Variants in AGBL1 observed in about 807,000 individuals in gnomAD.
The protein encoded by AGBL1 is AGBL carboxypeptidase 1.
A neutral mutation model predicts 118.9 loss-of-function variants in AGBL1; 130 were observed. That is an observed-to-expected ratio of 1.09 (90% CI 0.95 to 1.26). The LOEUF (loss-of-function observed/expected upper bound fraction) is 1.26. Ranked by LOEUF, AGBL1 falls within the 50% of genes most tolerant of loss-of-function variation. The pLI is 0.00. For missense variants in AGBL1, 1,584 were observed against 1,298.1 expected (o/e 1.22, Z -3.38); for synonymous variants, 555 against 478.9 (o/e 1.16, Z -2.08).
intron 5 of AGBL1, among the ~76,000 whole-genome samples, chr15:86,210,752 G>A (rs1279964462): frequency 1.3e-5 from 2 of 152,058 alleles, no homozygotes; most frequent in African/African-American, 4.8e-5. Flanking sequence ...CCTTGAGATG[G>A]GTTCGAACAT....
intron 23 of AGBL1, among the ~76,000 whole-genome samples, chr15:86,987,223 G>T (rs2141733585): frequency 2.0e-5 from 3 of 152,306 alleles, no homozygotes; most frequent in Middle Eastern, 6.8e-3. Flanking sequence ...GGTCACAGGG[G>T]ATATGATGGC....
At chr15:86,579,128 A>G (rs548250105) in intron 21 of AGBL1, among the ~76,000 whole-genome samples, 1 of 152,322 alleles carries the variant, frequency 6.6e-6, no homozygotes, top group African/African-American at 2.4e-5. Flanking sequence ...AGTAGTCAGT[A>G]GTGTTCTTCA....
At chr15:86,758,801 G>A (rs2077979333) in intron 22 of AGBL1, among the ~76,000 whole-genome samples, 1 of 151,500 alleles carries the variant, frequency 6.6e-6, no homozygotes, top group African/African-American at 2.4e-5. Flanking sequence ...AAAAAACCCT[G>A]TCTCTACAAA....
chr15:86,325,179 A>G (rs1361022114), intron 17 of AGBL1, among the ~76,000 whole-genome samples: 1 of 152,244 alleles, frequency 6.6e-6, no homozygotes, highest in African/African-American at 2.4e-5. Context: ...CAAGGAAAAC[A>G]CGGAGTGATT....
At chr15:86,576,679 A>G (rs951853007) in intron 21 of AGBL1, among the ~76,000 whole-genome samples, 2 of 152,168 alleles carry the variant, frequency 1.3e-5, no homozygotes, top group Admixed American at 6.5e-5. Flanking sequence ...TTGAATTCCC[A>G]TGTGTTGTGG....
At chr15:86,263,031 A>G in intron 10 of AGBL1, 137 bp downstream of exon 10, 1 of 679,256 alleles carries the variant, frequency 1.5e-6, no homozygotes, top group Non-Finnish European at 2.5e-6. Flanking sequence ...TTCCTTAGAG[A>G]AAAGCAGAAT....
intron 18 of AGBL1, among the ~76,000 whole-genome samples, chr15:86,472,302 C>T (rs1199548504): frequency 6.6e-6 from 1 of 152,200 alleles, no homozygotes; most frequent in East Asian, 1.9e-4. Context: ...TTGGTGATTA[C>T]AAGACCTGGT....
intron 21 of AGBL1, among the ~76,000 whole-genome samples, chr15:86,559,047 T>A (rs1410658183): frequency 6.6e-6 from 1 of 152,138 alleles, no homozygotes; most frequent in Non-Finnish European, 1.5e-5. Context: ...ATCCTTGGTG[T>A]TTTTTGGTTT....
chr15:86,574,705 G>C (rs1165095534), intron 21 of AGBL1, among the ~76,000 whole-genome samples: 4 of 149,658 alleles, frequency 2.7e-5, no homozygotes, highest in Admixed American at 2.0e-4. Flanking sequence ...AGTCTCCTGA[G>C]TACCTGGGAC....
At chr15:86,677,506 T>A (rs1177456876) in intron 22 of AGBL1, among the ~76,000 whole-genome samples, 1 of 152,176 alleles carries the variant, frequency 6.6e-6, no homozygotes, top group African/African-American at 2.4e-5. Context: ...TTGTGACAGG[T>A]CTTTTGCAAA....
chr15:86,375,221 T>A (rs1216219979), intron 17 of AGBL1, among the ~76,000 whole-genome samples: 1 of 152,180 alleles, frequency 6.6e-6, no homozygotes, highest in Non-Finnish European at 1.5e-5. Flanking sequence ...AAAAGAGGTT[T>A]AATTGACTCA....
At chr15:86,740,132 C>A (rs1435863954) in intron 22 of AGBL1, among the ~76,000 whole-genome samples, 1 of 152,132 alleles carries the variant, frequency 6.6e-6, no homozygotes, top group African/African-American at 2.4e-5. Flanking sequence ...AGAAGCCCAG[C>A]AAGTACATTT....
intron 23 of AGBL1, among the ~76,000 whole-genome samples, chr15:86,930,954 T>G (rs2080596749): frequency 6.6e-6 from 1 of 152,178 alleles, no homozygotes. Flanking sequence ...ATCCCTTAGT[T>G]GTTTTTCAGA....
chr15:86,819,521 A>G (rs553994514), intron 22 of AGBL1, among the ~76,000 whole-genome samples: 9 of 152,210 alleles, frequency 5.9e-5, no homozygotes, highest in South Asian at 2.1e-4. Flanking sequence ...GTTCACTCAA[A>G]TGAGTGAACT....
Position 86,670,670 on chromosome 15 carries a change from CTT to C in AGBL1, c.2995-3602_2995-3601del, listed in dbSNP as rs1201838241. 1.3e-4 allele frequency among the ~76,000 whole-genome samples: 19 copies of C among 140,936 alleles called. No individual in the cohort carries two copies. The East Asian group carries it at 3.6e-3, about 26-fold the overall frequency. 92.5% of individuals were successfully genotyped at this position (140,936 alleles called of 152,430 possible). On this transcript the variant is annotated intron_variant, in intron 21 of 22. Coordinates refer to ENST00000614907, the MANE Select transcript of AGBL1 (RefSeq NM_001386094.1). ...TGTGTGTATATATATATATAGCAAA[CTT>C]ATATAGTAAGAATAGTACATATATA...
intron 21 of AGBL1, among the ~76,000 whole-genome samples, chr15:86,662,219 C>A (rs941140151): frequency 1.3e-5 from 2 of 152,238 alleles, no homozygotes; most frequent in Non-Finnish European, 2.9e-5. Flanking sequence ...TGTGCATATT[C>A]TGCTATGCCT....
At chr15:86,410,229 G>C (rs545095198) in intron 18 of AGBL1, among the ~76,000 whole-genome samples, 75 of 152,234 alleles carry the variant, frequency 4.9e-4, no homozygotes, top group Middle Eastern at 3.4e-3. Context: ...ACTCTCAGGG[G>C]TGCTCTGATT....
intron 22 of AGBL1, among the ~76,000 whole-genome samples, chr15:86,868,448 T>C (rs749552591): frequency 3.3e-5 from 5 of 152,246 alleles, no homozygotes; most frequent in Admixed American, 1.3e-4. Flanking sequence ...AGGGAATTCT[T>C]TCAGGTTTAG....
intron 18 of AGBL1, among the ~76,000 whole-genome samples, chr15:86,408,466 C>T (rs1364269738): frequency 5.9e-5 from 9 of 152,226 alleles, no homozygotes; most frequent in Admixed American, 5.9e-4. Context: ...TCTGTTCCTT[C>T]CACATGGAAC....
Sources: gnomAD v4.1 joint callset for allele counts (sites outside exome capture counted in the v4.1 genomes callset) on GRCh38, gnomAD v4.1.1 for gene constraint, MANE v1.5 for transcripts, NCBI Gene and HGNC (gene_info 2026-07-23, HGNC 2026-07-21) for gene names.